The following NUBPL variants were observed in gnomAD, a reference collection of about 807,000 sequenced individuals.
NUBPL encodes the protein NUBP iron-sulfur cluster assembly factor, mitochondrial.
A neutral mutation model predicts 45.7 loss-of-function variants in NUBPL; 31 were observed. That is an observed-to-expected ratio of 0.68 (90% CI 0.51 to 0.92). The LOEUF (loss-of-function observed/expected upper bound fraction) is 0.92. Ranked by LOEUF, NUBPL falls within the 40% of genes least tolerant of loss-of-function variation. The pLI is 0.00. For missense variants in NUBPL, 401 were observed against 398.7 expected, an observed-to-expected ratio of 1.01 and a Z score of -0.05; for synonymous variants, 144 against 140.9, an observed-to-expected ratio of 1.02 and a Z score of -0.15.
chr14:31,798,309 T>A (rs1018394157), intron 7 of NUBPL, among the ~76,000 whole-genome samples: 2 of 150,200 alleles, frequency 1.3e-5, no homozygotes, highest in Non-Finnish European at 3.0e-5. Context: ...TATGGTTTTT[T>A]TTTTTTTTTT....
intron 7 of NUBPL, among the ~76,000 whole-genome samples, chr14:31,807,090 A>G (rs2039704211): frequency 6.6e-6 from 1 of 152,188 alleles, no homozygotes; most frequent in Non-Finnish European, 1.5e-5. Flanking sequence ...ATATGTGTGC[A>G]TGTGTCTTTA....
At chr14:31,721,925 A>G (rs1017014498) in intron 6 of NUBPL, among the ~76,000 whole-genome samples, 1 of 152,184 alleles carries the variant, frequency 6.6e-6, no homozygotes, top group African/African-American at 2.4e-5. Flanking sequence ...AGCTCCATCC[A>G]CGTTCCTGCA....
intron 6 of NUBPL, among the ~76,000 whole-genome samples, chr14:31,750,250 C>A (rs2038493230): frequency 6.6e-6 from 1 of 150,764 alleles, no homozygotes; most frequent in African/African-American, 2.4e-5. Flanking sequence ...CCTCGGCTCA[C>A]TGCAAGCTCC....
chr14:31,591,720 G>T (rs968839489), intron 3 of NUBPL, among the ~76,000 whole-genome samples: 1 of 152,076 alleles, frequency 6.6e-6, no homozygotes, highest in Admixed American at 6.5e-5. Context: ...ATAACTTAAA[G>T]TATTAGTGTA....
chr14:31,727,018 T>G (rs1400199232), intron 6 of NUBPL, among the ~76,000 whole-genome samples: 1 of 152,102 alleles, frequency 6.6e-6, no homozygotes, highest in Non-Finnish European at 1.5e-5. Context: ...CACCAAACGT[T>G]CCTTTAGGGG....
intron 4 of NUBPL, among the ~76,000 whole-genome samples, chr14:31,615,490 C>G (rs564487483): frequency 3.9e-5 from 6 of 152,182 alleles, no homozygotes; most frequent in African/African-American, 1.4e-4. Context: ...ATGTTCCCCT[C>G]CCTGTGTCCA....
rs186089390 is a variant in NUBPL at position 31,602,035 on chromosome 14, T to C, written c.382+2656T>C. ...CTGGATTAAGAAAATGTGGCACATA[T>C]ACACCATGGAATACTATGCAGCCAT... is the stretch of plus-strand genomic sequence containing the variant. On this transcript the variant is annotated intron_variant, in intron 4 of 10. Coordinates refer to ENST00000281081, the MANE Select transcript of NUBPL (RefSeq NM_025152.3). Among the ~76,000 whole-genome samples, 329 of 152,288 alleles carry C rather than the reference T, an allele frequency of 2.2e-3. 1 individual carries two copies. Among genetic ancestry groups the C allele is most frequent in the African/African-American group, 7.6e-3 (314 of 41,562 alleles).
intron 6 of NUBPL, among the ~76,000 whole-genome samples, chr14:31,732,055 C>T (rs114942789): frequency 0.047 from 7,191 of 151,488 alleles, 216 homozygotes; most frequent in Admixed American, 0.068. Flanking sequence ...ACAAAAAAGC[C>T]GGGCATGGTG....
chr14:31,832,600 T>G (rs2040210825), intron 8 of NUBPL, among the ~76,000 whole-genome samples: 1 of 152,216 alleles, frequency 6.6e-6, no homozygotes, highest in African/African-American at 2.4e-5. Flanking sequence ...TTTAAAAAAT[T>G]TCTTATATAC....
chr14:31,829,508 G>C (rs1253057174), intron 8 of NUBPL, among the ~76,000 whole-genome samples: 1 of 152,150 alleles, frequency 6.6e-6, no homozygotes, highest in East Asian at 1.9e-4. Flanking sequence ...TGACCTCTGA[G>C]ATCCCTCTGG....
chr14:31,619,013 GT>G (rs1276354689), intron 4 of NUBPL, among the ~76,000 whole-genome samples: 1 of 152,144 alleles, frequency 6.6e-6, no homozygotes, highest in East Asian at 1.9e-4. Flanking sequence ...AGCTCTTCTT[GT>G]TGCATTGATG....
intron 3 of NUBPL, among the ~76,000 whole-genome samples, chr14:31,596,305 A>G (rs933625518): frequency 6.6e-6 from 1 of 152,200 alleles, no homozygotes; most frequent in Non-Finnish European, 1.5e-5. Flanking sequence ...TTTAAAATCT[A>G]GCCAATTAAG....
chr14:31,607,458 T>C (rs984711041), intron 4 of NUBPL, among the ~76,000 whole-genome samples: 21 of 151,060 alleles, frequency 1.4e-4, no homozygotes, highest in Middle Eastern at 7.0e-3. Flanking sequence ...TCAAAATAGC[T>C]GTGTGAGGAA....
At chr14:31,730,839 GTT>G (rs781439837) in intron 6 of NUBPL, among the ~76,000 whole-genome samples, 26 of 152,066 alleles carry the variant, frequency 1.7e-4, no homozygotes, top group Non-Finnish European at 3.8e-4. Flanking sequence ...ACAAAAGAAA[GTT>G]CTCTTTGGAA....
intron 4 of NUBPL, among the ~76,000 whole-genome samples, chr14:31,671,394 C>A (rs1566490702): frequency 6.6e-6 from 1 of 152,068 alleles, no homozygotes; most frequent in Non-Finnish European, 1.5e-5. Context: ...TATTAGCAGA[C>A]CAAATTCAGC....
At chr14:31,729,783 T>G (rs1178653987) in intron 6 of NUBPL, among the ~76,000 whole-genome samples, 3 of 152,256 alleles carry the variant, frequency 2.0e-5, no homozygotes, top group African/African-American at 7.2e-5. Context: ...CCTAGTAACT[T>G]TTAAACAGAA....
At chr14:31,618,604 C>G (rs547570324) in intron 4 of NUBPL, among the ~76,000 whole-genome samples, 1 of 152,212 alleles carries the variant, frequency 6.6e-6, no homozygotes, top group African/African-American at 2.4e-5. Flanking sequence ...TTTCTTAATC[C>G]TGAATTCTAA....
intron 7 of NUBPL, among the ~76,000 whole-genome samples, chr14:31,812,717 G>C (rs12431649): frequency 1 from 151,901 of 152,272 alleles, 75,768 homozygotes; most frequent in Middle Eastern, 1. Flanking sequence ...TCTCCTGTGT[G>C]GATCACACTG....
At chr14:31,813,474 CATAT>C (rs1426852891) in intron 7 of NUBPL, among the ~76,000 whole-genome samples, 3 of 147,590 alleles carry the variant, frequency 2.0e-5, no homozygotes, top group Non-Finnish European at 4.5e-5. Context: ...CACATACATA[CATAT>C]ATATATATAC....
Sources: gnomAD v4.1 joint callset for allele counts (sites outside exome capture counted in the v4.1 genomes callset) on GRCh38, gnomAD v4.1.1 for gene constraint, MANE v1.5 for transcripts, NCBI Gene and HGNC (gene_info 2026-07-23, HGNC 2026-07-21) for gene names.